Variants in TAS2R1 observed in about 807,000 individuals in gnomAD.
TAS2R1 encodes the protein taste 2 receptor member 1, also known as taste receptor type 2 member 1.
For synonymous variants in TAS2R1, 141 were observed against 134.2 expected (o/e 1.05, Z -0.35); for missense variants, 370 against 353.4 (o/e 1.05, Z -0.38).
At chr5:9,790,082 T>C in the TAS2R1 span, among the ~76,000 whole-genome samples, 1 of 152,324 alleles carries the variant, frequency 6.6e-6, no homozygotes, top group Admixed American at 6.5e-5. Context: ...ATGTGAAGTA[T>C]GCTCCTCTCA....
chr5:9,818,634 T>C, the TAS2R1 span, among the ~76,000 whole-genome samples: 1 of 152,208 alleles, frequency 6.6e-6, no homozygotes, highest in Non-Finnish European at 1.5e-5. Context: ...CAGCACAGCA[T>C]GCTTCAAAAA....
chr5:9,839,969 T>C, the TAS2R1 span, among the ~76,000 whole-genome samples: 1 of 152,170 alleles, frequency 6.6e-6, no homozygotes, highest in Non-Finnish European at 1.5e-5. Context: ...ATTCTAGACT[T>C]TCGTCCTCCC....
the TAS2R1 span, among the ~76,000 whole-genome samples, chr5:9,851,603 A>T: frequency 1.3e-5 from 2 of 151,590 alleles, no homozygotes; most frequent in Non-Finnish European, 2.9e-5. Context: ...TGAACATCCC[A>T]GTTGGTCATC....
At chr5:9,856,627 CA>C in the TAS2R1 span, among the ~76,000 whole-genome samples, 1 of 152,204 alleles carries the variant, frequency 6.6e-6, no homozygotes, top group Non-Finnish European at 1.5e-5. Context: ...AGAAACTTGG[CA>C]GTAGCAAATG....
At chr5:9,803,639 A>T in the TAS2R1 span, among the ~76,000 whole-genome samples, 1 of 152,198 alleles carries the variant, frequency 6.6e-6, no homozygotes, top group Admixed American at 6.5e-5. Context: ...ACCCAGTGAA[A>T]CTAAGCTTCA....
At chr5:9,678,521 G>A (rs1487417004) in intron 1 of TAS2R1, among the ~76,000 whole-genome samples, 1 of 152,072 alleles carries the variant, frequency 6.6e-6, no homozygotes, top group Non-Finnish European at 1.5e-5. Flanking sequence ...GCAAAGACAT[G>A]GAATCAACCC....
intron 1 of TAS2R1, among the ~76,000 whole-genome samples, chr5:9,675,176 G>C (rs1285862896): frequency 6.7e-6 from 1 of 149,554 alleles, no homozygotes; most frequent in African/African-American, 2.4e-5. Flanking sequence ...ATAAATCAAA[G>C]AAGATCAAAA....
the TAS2R1 span, among the ~76,000 whole-genome samples, chr5:9,851,252 C>T: frequency 6.6e-6 from 1 of 152,186 alleles, no homozygotes; most frequent in African/African-American, 2.4e-5. Flanking sequence ...ATGTCAGAAT[C>T]GAGTTGAAAA....
chr5:9,838,679 C>T, the TAS2R1 span, among the ~76,000 whole-genome samples: 9,054 of 152,174 alleles, frequency 0.059, 635 homozygotes, highest in East Asian at 0.23. Flanking sequence ...ACTTCTGCTC[C>T]GAAAGCACAA....
chr5:9,755,596 A>AG, the TAS2R1 span, among the ~76,000 whole-genome samples: 1 of 151,780 alleles, frequency 6.6e-6, no homozygotes, highest in African/African-American at 2.4e-5. Context: ...CCAAAAAAAA[A>AG]AAAAAAAAAG....
chr5:9,736,848 G>A, the TAS2R1 span, among the ~76,000 whole-genome samples: 3 of 152,256 alleles, frequency 2.0e-5, no homozygotes, highest in South Asian at 6.2e-4. Flanking sequence ...GCCTATGTCT[G>A]TCACCCTGGA....
intron 1 of TAS2R1, among the ~76,000 whole-genome samples, chr5:9,688,983 G>A (rs1489478751): frequency 5.3e-5 from 8 of 152,050 alleles, no homozygotes; most frequent in Non-Finnish European, 2.9e-5. Context: ...AGGCAGAGAC[G>A]GCCCCGACCA....
At chr5:9,707,350 C>A (rs1011224381) in intron 1 of TAS2R1, among the ~76,000 whole-genome samples, 4 of 152,180 alleles carry the variant, frequency 2.6e-5, no homozygotes, top group African/African-American at 9.7e-5. Context: ...GCAGGCTACG[C>A]CCATCCTCAT....
intron 1 of TAS2R1, among the ~76,000 whole-genome samples, chr5:9,680,075 G>T (rs1349511874): frequency 6.6e-6 from 1 of 152,194 alleles, no homozygotes; most frequent in Non-Finnish European, 1.5e-5. Context: ...ATGGGAGTGT[G>T]TCAAAGGCAC....
intron 1 of TAS2R1, among the ~76,000 whole-genome samples, chr5:9,690,588 C>A (rs10475474): frequency 6.6e-6 from 1 of 151,954 alleles, no homozygotes; most frequent in African/African-American, 2.4e-5. Flanking sequence ...TCAGCCCAAT[C>A]AAGTCAGCCT....
chr5:9,881,293 A>T, the TAS2R1 span, among the ~76,000 whole-genome samples: 1 of 152,144 alleles, frequency 6.6e-6, no homozygotes, highest in African/African-American at 2.4e-5. Context: ...CACAGGGAAT[A>T]CAGCTAACAA....
intron 1 of TAS2R1, among the ~76,000 whole-genome samples, chr5:9,674,502 T>C (rs1318933541): frequency 6.6e-6 from 1 of 152,102 alleles, no homozygotes; most frequent in Non-Finnish European, 1.5e-5. Context: ...ACCACACAAT[T>C]AAGTAATCTT....
At chr5:9,818,768 G>A in the TAS2R1 span, among the ~76,000 whole-genome samples, 1 of 152,338 alleles carries the variant, frequency 6.6e-6, no homozygotes, top group East Asian at 1.9e-4. Flanking sequence ...GGGGAAATAG[G>A]CCTCACCTCT....
At chr5:9,845,396 G>A in the TAS2R1 span, among the ~76,000 whole-genome samples, 1 of 152,174 alleles carries the variant, frequency 6.6e-6, no homozygotes, top group African/African-American at 2.4e-5. Context: ...TATGTTGCAT[G>A]CAGTAAACAT....
Sources: allele counts gnomAD v4.1 joint callset (sites outside exome capture counted in the v4.1 genomes callset), GRCh38; gene constraint gnomAD v4.1.1; transcripts MANE v1.5; gene names NCBI Gene and HGNC (gene_info 2026-07-23, HGNC 2026-07-21).